GSE1: variants seen among roughly 807,000 people sequenced by gnomAD.
The protein encoded by GSE1 is genetic suppressor element 1.
Under a neutral mutation model 112.6 loss-of-function variants are expected in GSE1, and 32 were observed. The ratio of observed to expected loss-of-function variants is 0.28; its 90% CI spans 0.21 to 0.38. The LOEUF is 0.38. Ranked by LOEUF, GSE1 falls within the 10% of genes least tolerant of loss-of-function variation. The pLI, the probability that GSE1 is intolerant of heterozygous loss-of-function variation, is 1.00. For synonymous variants in GSE1, 1,115 were observed against 735.6 expected, an observed-to-expected ratio of 1.52 and a Z score of -8.35; for missense variants, 2,348 against 1,699.2, an observed-to-expected ratio of 1.38 and a Z score of -6.71.
intron 13 of GSE1, among the ~76,000 whole-genome samples, chr16:85,666,898 A>G (rs973713829): frequency 6.6e-6 from 1 of 152,254 alleles, no homozygotes. Flanking sequence ...AATTCCACCA[A>G]GTTCCAAAAA....
intron 1 of GSE1, among the ~76,000 whole-genome samples, chr16:85,587,377 T>TC (rs1567618429): frequency 6.6e-6 from 1 of 152,108 alleles, no homozygotes; most frequent in African/African-American, 2.4e-5. Flanking sequence ...GTAAAAACCT[T>TC]CCCCCGGCCC....
At chr16:85,194,707 A>G (rs968680437) in intron 1 of GSE1, among the ~76,000 whole-genome samples, 2 of 152,168 alleles carry the variant, frequency 1.3e-5, no homozygotes, top group African/African-American at 4.8e-5. Context: ...AGTGCCTTTA[A>G]TGCACGGATG....
At chr16:85,652,474 C>T (rs1320168435) in intron 3 of GSE1, among the ~76,000 whole-genome samples, 3 of 152,200 alleles carry the variant, frequency 2.0e-5, no homozygotes, top group South Asian at 2.1e-4. Flanking sequence ...CCCAGGAGGA[C>T]CCTACAGAGA....
At chr16:85,529,458 A>G (rs1215049346) in intron 2 of GSE1, among the ~76,000 whole-genome samples, 4 of 152,188 alleles carry the variant, frequency 2.6e-5, no homozygotes, top group Admixed American at 1.3e-4. Flanking sequence ...TCTTCCCCAC[A>G]TTTAAACCCC....
At chr16:85,170,039 A>G in exon 1 of GSE1, 1 of 984,400 alleles carries the variant, frequency 1.0e-6, no homozygotes, top group Non-Finnish European at 1.2e-6. Context: ...CGAGACTCCG[A>G]CCTGTCGGAG....
intron 14 of GSE1, 106 bp from the exon 15 acceptor site, chr16:85,670,889 G>C (rs1487294466): frequency 7.0e-6 from 5 of 717,506 alleles, no homozygotes; most frequent in Non-Finnish European, 1.3e-5. Context: ...GGCTGCACTG[G>C]AGAGAGGTTT....
At chr16:85,410,006 C>T (rs1278549330) in intron 2 of GSE1, among the ~76,000 whole-genome samples, 3 of 42,902 alleles carry the variant, frequency 7.0e-5, no homozygotes, top group Non-Finnish European at 8.2e-5. Flanking sequence ...TCAGGCCCCC[C>T]GGATAATCCT....
chr16:85,346,341 AGATGGATGGTGGACGAGTG>A (rs1460819532), intron 1 of GSE1, among the ~76,000 whole-genome samples: 8 of 147,314 alleles, frequency 5.4e-5, no homozygotes, highest in African/African-American at 1.3e-4. Context: ...ATGGGCAGGT[AGATGGATGGTGGACGAGTG>A]GATGGATGGT....
intron 1 of GSE1, among the ~76,000 whole-genome samples, chr16:85,226,652 A>G (rs2075491072): frequency 6.6e-6 from 1 of 152,088 alleles, no homozygotes; most frequent in Non-Finnish European, 1.5e-5. Context: ...GATAGAATGG[A>G]GTCTGCACAG....
chr16:85,283,811 T>C (rs760346122), intron 1 of GSE1, among the ~76,000 whole-genome samples: 9 of 152,216 alleles, frequency 5.9e-5, no homozygotes, highest in Non-Finnish European at 1.2e-4. Flanking sequence ...ATACCCATTT[T>C]ATGGATGAGG....
At chr16:85,575,289 G>A (rs992789274) in intron 1 of GSE1, among the ~76,000 whole-genome samples, 2 of 152,290 alleles carry the variant, frequency 1.3e-5, no homozygotes, top group African/African-American at 4.8e-5. Flanking sequence ...GCTTTCAAAC[G>A]AGGCACTCCA....
intron 1 of GSE1, among the ~76,000 whole-genome samples, chr16:85,633,038 A>G (rs1057467005): frequency 2.8e-5 from 4 of 144,092 alleles, no homozygotes; most frequent in African/African-American, 5.2e-5. Flanking sequence ...CGCTGTCACC[A>G]CTGGCCGGGA....
In GSE1 at chr16:85,496,064, G is replaced by A. The variant is rs1006979748; in HGVS notation, c.2465-137850G>A. On this transcript the variant is annotated intron_variant, in intron 2 of 2. Transcript: ENST00000637419. Reference sequence around the variant, plus strand: ...GTTCTGCAAGCCAGAGCTGGATCCCGGGTGCAGAATCCATCCGAGCACTCT... The same window carrying A: ...GTTCTGCAAGCCAGAGCTGGATCCCAGGTGCAGAATCCATCCGAGCACTCT... Among the ~76,000 whole-genome samples, 8 of 152,192 alleles carry A rather than the reference G, an allele frequency of 5.3e-5. No homozygotes were observed. The East Asian group carries it at 9.6e-4, about 18-fold the overall frequency.
At chr16:85,613,644 G>C (rs1302598376) in intron 1 of GSE1, among the ~76,000 whole-genome samples, 1 of 151,332 alleles carries the variant, frequency 6.6e-6, no homozygotes, top group Non-Finnish European at 1.5e-5. Context: ...CCGGGCTCAG[G>C]AGTGCGCTCA....
At chr16:85,599,824 C>T (rs1220690587) in intron 1 of GSE1, among the ~76,000 whole-genome samples, 12 of 152,206 alleles carry the variant, frequency 7.9e-5, no homozygotes, top group African/African-American at 2.9e-4. Flanking sequence ...TACTTGAGCC[C>T]AGGAGTTAGA....
At chr16:85,646,972 A>C (rs1174554749) in intron 2 of GSE1, among the ~76,000 whole-genome samples, 1 of 151,446 alleles carries the variant, frequency 6.6e-6, no homozygotes, top group Non-Finnish European at 1.5e-5. Flanking sequence ...GCCTTTGGAC[A>C]CCCCCTACCC....
intron 2 of GSE1, among the ~76,000 whole-genome samples, chr16:85,648,185 G>T (rs118058523): frequency 0.012 from 1,751 of 152,204 alleles, 20 homozygotes; most frequent in Non-Finnish European, 0.017. Flanking sequence ...GTCCCGGAAG[G>T]TGCTACCTTC....
At chr16:85,380,849 T>C (rs1195011774) in intron 2 of GSE1, among the ~76,000 whole-genome samples, 1 of 152,192 alleles carries the variant, frequency 6.6e-6, no homozygotes, top group South Asian at 2.1e-4. Context: ...CCCTGGTCTT[T>C]GCATTTTCTT....
intron 1 of GSE1, among the ~76,000 whole-genome samples, chr16:85,313,958 A>AGT (rs1353874133): frequency 7.2e-6 from 1 of 139,272 alleles, no homozygotes; most frequent in Non-Finnish European, 1.5e-5. Flanking sequence ...GACATAGCCT[A>AGT]GTGTGTGTGT....
Sources: allele counts gnomAD v4.1 joint callset (sites outside exome capture counted in the v4.1 genomes callset), GRCh38; gene constraint gnomAD v4.1.1; transcripts MANE v1.5; gene names NCBI Gene and HGNC (gene_info 2026-07-23, HGNC 2026-07-21).